SHISA6: variants seen among roughly 807,000 people sequenced by gnomAD.
SHISA6 encodes shisa family member 6.
Under a neutral mutation model 47.9 loss-of-function variants are expected in SHISA6, and 22 were observed. The observed-to-expected ratio is 0.46, with a 90% confidence interval of 0.33 to 0.66. SHISA6 has a LOEUF of 0.66. SHISA6 is among the 30% of genes least tolerant of loss of function. The pLI is 0.02. For synonymous variants in SHISA6, 388 were observed against 337.8 expected (o/e 1.15, Z -1.63); for missense variants, 680 against 764.6 (o/e 0.89, Z 1.30).
intron 3 of SHISA6, among the ~76,000 whole-genome samples, chr17:11,455,433 A>G (rs1597524696): frequency 6.6e-6 from 1 of 152,322 alleles, no homozygotes; most frequent in South Asian, 2.1e-4. Context: ...AATTCATGGA[A>G]GAGGAGTTCC....
chr17:11,461,943 A>G lies in SHISA6; in HGVS notation c.895+82434A>G, dbSNP rs1234998550. On this transcript the variant is annotated intron_variant, in intron 3 of 5. Coordinates refer to ENST00000441885, the MANE Select transcript of SHISA6 (RefSeq NM_207386.4). ...AGAGCATGAAGAATACAGAAAATTT[A>G]AAAATATAGTTAATACAATCCTTTC... 4.6e-5 allele frequency among the ~76,000 whole-genome samples: 7 copies of G among 152,216 alleles called. 1 individual carries two copies. The highest frequency in any genetic ancestry group is 1.7e-4 in the African/African-American group (7 of 41,454).
intron 2 of SHISA6, among the ~76,000 whole-genome samples, chr17:11,376,279 C>T (rs1912796305): frequency 6.6e-6 from 1 of 151,960 alleles, no homozygotes; most frequent in South Asian, 2.1e-4. Flanking sequence ...CACTGACTCC[C>T]CTCTCTTCTG....
Position 11,334,685 on chromosome 17 carries a change from C to T in SHISA6, c.800-44729C>T, listed in dbSNP as rs932131195. On this transcript the variant is annotated intron_variant, in intron 2 of 5. Transcript: ENST00000441885. The stretch of plus-strand genomic sequence containing the variant: ...GATGCCAACATCACCTGTGACAAGA[C>T]ACTAGCATGCTCCCCTGGAAGCCCT... Among the ~76,000 whole-genome samples, 6 of 152,200 alleles carry T rather than the reference C, an allele frequency of 3.9e-5. 1 individual carries two copies. In the East Asian group the frequency reaches 7.7e-4, roughly 20 times the overall value.
At chr17:11,310,994 C>T (rs1053140700) in intron 2 of SHISA6, among the ~76,000 whole-genome samples, 39 of 151,128 alleles carry the variant, frequency 2.6e-4, no homozygotes, top group African/African-American at 9.3e-4. Flanking sequence ...GTAGTCCCAG[C>T]TACTCAGGAG....
At chr17:11,371,376 T>A (rs906258801) in intron 2 of SHISA6, among the ~76,000 whole-genome samples, 1 of 152,062 alleles carries the variant, frequency 6.6e-6, no homozygotes, top group Non-Finnish European at 1.5e-5. Flanking sequence ...TCTCTCCAGC[T>A]CCCTTTTCCC....
intron 2 of SHISA6, among the ~76,000 whole-genome samples, chr17:11,344,667 G>T (rs759899048): frequency 1.3e-5 from 2 of 152,056 alleles, no homozygotes; most frequent in African/African-American, 4.8e-5. Flanking sequence ...TGTAATAATT[G>T]TACATATTTG....
chr17:11,481,783 G>C (rs543546751), intron 3 of SHISA6, among the ~76,000 whole-genome samples: 1 of 151,952 alleles, frequency 6.6e-6, no homozygotes, highest in Non-Finnish European at 1.5e-5. Context: ...GAGCCACCAC[G>C]CCTGGCCCCT....
intron 3 of SHISA6, among the ~76,000 whole-genome samples, chr17:11,539,282 C>T (rs915287399): frequency 6.6e-6 from 1 of 152,198 alleles, no homozygotes; most frequent in African/African-American, 2.4e-5. Flanking sequence ...ATTGATCCAG[C>T]CATTGTTTAT....
At chr17:11,254,965 A>C (rs2142139819) in intron 1 of SHISA6, among the ~76,000 whole-genome samples, 1 of 152,310 alleles carries the variant, frequency 6.6e-6, no homozygotes, top group East Asian at 1.9e-4. Flanking sequence ...TGTGGATCTC[A>C]GTAATTCAGA....
At chr17:11,423,361 A>AGATAGATG (rs1330099086) in intron 3 of SHISA6, among the ~76,000 whole-genome samples, 1 of 119,628 alleles carries the variant, frequency 8.4e-6, no homozygotes, top group Admixed American at 9.1e-5. Context: ...ATAGATAGAT[A>AGATAGATG]GATAGATATA....
intron 3 of SHISA6, among the ~76,000 whole-genome samples, chr17:11,407,577 A>G (rs1054202802): frequency 6.6e-6 from 1 of 152,142 alleles, no homozygotes; most frequent in African/African-American, 2.4e-5. Flanking sequence ...GGGACTTTCA[A>G]TAGCTAACTT....
At chr17:11,398,306 A>T (rs1289460477) in intron 3 of SHISA6, among the ~76,000 whole-genome samples, 1 of 152,178 alleles carries the variant, frequency 6.6e-6, no homozygotes, top group Non-Finnish European at 1.5e-5. Context: ...AATTTTATTA[A>T]TGGATATGAT....
At chr17:11,491,768 G>GTT (rs768280409) in intron 3 of SHISA6, among the ~76,000 whole-genome samples, 6 of 107,930 alleles carry the variant, frequency 5.6e-5, no homozygotes, top group Non-Finnish European at 5.9e-5. Context: ...AGCTGGTGAA[G>GTT]TGTTTTTTTT....
At position 11,467,173 on chromosome 17, in the gene SHISA6, G is replaced by A. The variant is rs143596614; in HGVS notation, c.896-84723G>A. Among the ~76,000 whole-genome samples the A allele has an allele frequency of 1.1e-4, 16 of 152,224 alleles. No homozygotes were observed. The East Asian group carries it at 2.3e-3, about 22-fold the overall frequency. On this transcript the variant is annotated intron_variant, in intron 3 of 5. Coordinates refer to ENST00000441885, the MANE Select transcript of SHISA6 (RefSeq NM_207386.4). ...CCTGTGGGTTCAAGGATCTATTTCC[G>A]TCATAAGTATTCATTCATGCCTTCA...
intron 3 of SHISA6, among the ~76,000 whole-genome samples, chr17:11,436,181 G>A (rs550238430): frequency 4.2e-4 from 64 of 152,260 alleles, no homozygotes; most frequent in African/African-American, 1.4e-3. Flanking sequence ...CTCTCCCCTT[G>A]CACTTTCAAA....
chr17:11,334,524 C>G (rs895476433), intron 2 of SHISA6, among the ~76,000 whole-genome samples: 5 of 152,184 alleles, frequency 3.3e-5, no homozygotes, highest in Non-Finnish European at 7.3e-5. Flanking sequence ...ACTTATCTAG[C>G]TCTGCCCTCC....
At chr17:11,398,592 G>C (rs929948589) in intron 3 of SHISA6, among the ~76,000 whole-genome samples, 1 of 150,134 alleles carries the variant, frequency 6.7e-6, no homozygotes, top group Non-Finnish European at 1.5e-5. Flanking sequence ...TTGTTTGCTT[G>C]TTTTTTTGTT....
chr17:11,403,244 A>G (rs925984318), intron 3 of SHISA6, among the ~76,000 whole-genome samples: 2 of 152,156 alleles, frequency 1.3e-5, no homozygotes, highest in Non-Finnish European at 2.9e-5. Flanking sequence ...TGCTCTCAAG[A>G]CTCAGATTTG....
At chr17:11,290,072 A>T (rs1387613488) in intron 2 of SHISA6, 2 of 152,144 alleles carry the variant, frequency 1.3e-5, no homozygotes, top group Non-Finnish European at 2.9e-5. Flanking sequence ...GCTTTTGCCC[A>T]AAGGTTACTC....
Sources: gnomAD v4.1 joint callset for allele counts (sites outside exome capture counted in the v4.1 genomes callset) on GRCh38, gnomAD v4.1.1 for gene constraint, MANE v1.5 for transcripts, NCBI Gene and HGNC (gene_info 2026-07-23, HGNC 2026-07-21) for gene names.